Variants in ZNF438 observed in about 807,000 individuals in gnomAD.
ZNF438 encodes the protein zinc finger protein 438.
Under a neutral mutation model 38.0 loss-of-function variants are expected in ZNF438, and 25 were observed. That is an observed-to-expected ratio of 0.66 (90% CI 0.48 to 0.92). The LOEUF (loss-of-function observed/expected upper bound fraction) is 0.92, where lower values mean the gene tolerates loss of function less well. ZNF438 is among the 40% of genes least tolerant of loss of function. The pLI is 0.00. For synonymous variants in ZNF438, 372 were observed against 364.1 expected, an observed-to-expected ratio of 1.02 and a Z score of -0.25; for missense variants, 1,007 against 999.6, an observed-to-expected ratio of 1.01 and a Z score of -0.10.
At chr10:31,001,427 G>A (rs779429086) in intron 1 of ZNF438, among the ~76,000 whole-genome samples, 12 of 152,092 alleles carry the variant, frequency 7.9e-5, no homozygotes, top group Non-Finnish European at 1.8e-4. Flanking sequence ...ACATTCTGGG[G>A]AGGCCCACCC....
intron 1 of ZNF438, among the ~76,000 whole-genome samples, chr10:31,000,062 C>T (rs369216192): frequency 5.8e-4 from 88 of 152,196 alleles, no homozygotes; most frequent in African/African-American, 1.8e-3. Context: ...ACTTTTATGT[C>T]GGCAACGAAA....
intron 1 of ZNF438, among the ~76,000 whole-genome samples, chr10:30,978,185 G>A (rs892024246): frequency 2.0e-5 from 3 of 152,136 alleles, no homozygotes; most frequent in Admixed American, 1.3e-4. Context: ...CAAGAAACTG[G>A]AAATGTACAC....
At chr10:30,881,060 C>T (rs2088024) in intron 3 of ZNF438, among the ~76,000 whole-genome samples, 89,256 of 152,024 alleles carry the variant, frequency 0.59, 26,460 homozygotes, top group African/African-American at 0.63. Context: ...TGAATGCTTT[C>T]CCTCCAAGTT....
chr10:30,869,795 G>C (rs981719353), intron 4 of ZNF438, among the ~76,000 whole-genome samples: 2 of 152,162 alleles, frequency 1.3e-5, no homozygotes, highest in Admixed American at 1.3e-4. Context: ...AGATCAAAAT[G>C]TTTCCATATG....
At chr10:30,966,441 C>A (rs1366104251) in intron 1 of ZNF438, among the ~76,000 whole-genome samples, 2 of 151,962 alleles carry the variant, frequency 1.3e-5, no homozygotes, top group African/African-American at 2.4e-5. Context: ...AAGGCCGAGG[C>A]GGGTGGATCA....
chr10:30,913,729 G>T (rs2043302325), intron 2 of ZNF438, among the ~76,000 whole-genome samples: 1 of 152,092 alleles, frequency 6.6e-6, no homozygotes, highest in Admixed American at 6.6e-5. Context: ...TATATGAAGA[G>T]AATTACGTGG....
intron 3 of ZNF438, among the ~76,000 whole-genome samples, chr10:30,879,214 T>TA (rs1200042880): frequency 1.3e-5 from 2 of 151,894 alleles, no homozygotes; most frequent in African/African-American, 2.4e-5. Flanking sequence ...TTAGCTAGGG[T>TA]AAAAAAACTC....
At chr10:30,918,675 G>T (rs991941659) in intron 2 of ZNF438, among the ~76,000 whole-genome samples, 1 of 152,050 alleles carries the variant, frequency 6.6e-6, no homozygotes, top group Non-Finnish European at 1.5e-5. Context: ...AACAAGACAA[G>T]AATTTCTAAA....
At position 30,878,702 on chromosome 10, in the gene ZNF438, T is replaced by C. The variant is rs76017859; in HGVS notation, c.-31-1637A>G. On this transcript the variant is annotated intron_variant, in intron 3 of 5. Coordinates refer to ENST00000413025, the Ensembl canonical transcript of ZNF438. ...ACGGTAAAGCTAAGCTAAGAGGGCA[T>C]TGTAGCATGCCCTCTGGGATTCTGG... Among the ~76,000 whole-genome samples the C allele has an allele frequency of 5.9e-3, 905 of 152,240 alleles. 7 individuals carry two copies. The highest frequency in any genetic ancestry group is 0.021 in the African/African-American group (866 of 41,538).
intron 3 of ZNF438, among the ~76,000 whole-genome samples, chr10:30,878,221 C>T (rs371272983): frequency 5.3e-5 from 8 of 152,222 alleles, no homozygotes; most frequent in Non-Finnish European, 7.4e-5. Flanking sequence ...TTTTACCAAT[C>T]GAATGTTGCC....
chr10:30,886,549 T>C (rs1441565485), intron 3 of ZNF438, among the ~76,000 whole-genome samples: 1 of 152,218 alleles, frequency 6.6e-6, no homozygotes, highest in African/African-American at 2.4e-5. Context: ...TAGCCTACCT[T>C]AAACATGCTC....
exon 6 of ZNF438, chr10:30,845,381 A>T: frequency 6.2e-7 from 1 of 1,614,106 alleles, no homozygotes; most frequent in Non-Finnish European, 8.5e-7. Context: ...ACTCTTCCTG[A>T]GTCCCCTTGC....
At chr10:30,880,222 G>A (rs962563642) in intron 3 of ZNF438, among the ~76,000 whole-genome samples, 1 of 151,988 alleles carries the variant, frequency 6.6e-6, no homozygotes, top group African/African-American at 2.4e-5. Flanking sequence ...CCTCAGGTTG[G>A]GAGTTTGAGA....
intron 2 of ZNF438, among the ~76,000 whole-genome samples, chr10:30,911,251 A>G (rs1244499649): frequency 1.3e-5 from 2 of 152,156 alleles, no homozygotes; most frequent in African/African-American, 4.8e-5. Flanking sequence ...CCATTTATTT[A>G]GTGAATACCT....
At chr10:30,921,071 T>C (rs1589205432) in intron 2 of ZNF438, 1 of 152,228 alleles carries the variant, frequency 6.6e-6, no homozygotes, top group Non-Finnish European at 1.5e-5. Context: ...GGGAAGATTT[T>C]TGGTAACAGC....
At chr10:30,932,457 T>C (rs3006572) in intron 2 of ZNF438, among the ~76,000 whole-genome samples, 19,302 of 152,256 alleles carry the variant, frequency 0.13, 1,614 homozygotes, top group Middle Eastern at 0.24. Context: ...GCTTTATATA[T>C]GTTAACTTAT....
chr10:30,872,425 C>CAA (rs566401687), intron 4 of ZNF438, among the ~76,000 whole-genome samples: 15 of 58,696 alleles, frequency 2.6e-4, no homozygotes, highest in Admixed American at 4.6e-4. Context: ...GACTCTGTCT[C>CAA]AAAAAAAAAA....
intron 1 of ZNF438, among the ~76,000 whole-genome samples, chr10:30,998,411 C>T (rs1488512126): frequency 6.6e-6 from 1 of 151,338 alleles, no homozygotes; most frequent in African/African-American, 2.4e-5. Context: ...GGCATGGTGG[C>T]GGGCCCCTGT....
chr10:30,845,513 T>C, exon 6 of ZNF438: 2 of 1,614,086 alleles, frequency 1.2e-6, no homozygotes, highest in Non-Finnish European at 1.7e-6. Flanking sequence ...ATTTGATTTG[T>C]AATTTGACTT....
Sources: gnomAD v4.1 joint callset for allele counts (sites outside exome capture counted in the v4.1 genomes callset) on GRCh38, gnomAD v4.1.1 for gene constraint, MANE v1.5 for transcripts, NCBI Gene and HGNC (gene_info 2026-07-23, HGNC 2026-07-21) for gene names.